The following CCBE1 variants were observed in gnomAD, a reference collection of about 807,000 sequenced individuals.
CCBE1 encodes the protein collagen and calcium binding EGF domains 1.
Under a neutral mutation model 50.0 loss-of-function variants are expected in CCBE1, and 37 were observed. That is an observed-to-expected ratio of 0.74 (90% CI 0.57 to 0.97). The LOEUF (loss-of-function observed/expected upper bound fraction) is 0.97, where lower values mean the gene tolerates loss of function less well. CCBE1 is among the 50% of genes least tolerant of loss of function. CCBE1 has a pLI of 0.00. For synonymous variants in CCBE1, 234 were observed against 203.7 expected, an observed-to-expected ratio of 1.15 and a Z score of -1.27; for missense variants, 538 against 523.8, an observed-to-expected ratio of 1.03 and a Z score of -0.26.
intron 2 of CCBE1, among the ~76,000 whole-genome samples, chr18:59,522,210 T>C (rs1914631025): frequency 6.6e-6 from 1 of 152,092 alleles, no homozygotes; most frequent in Non-Finnish European, 1.5e-5. Flanking sequence ...TACATGAATC[T>C]TGGTAATTTC....
chr18:59,512,400 A>C (rs77618713), intron 2 of CCBE1, among the ~76,000 whole-genome samples: 2,948 of 152,292 alleles, frequency 0.019, 91 homozygotes, highest in African/African-American at 0.065. Context: ...TGCTCCCCTC[A>C]AGGTTTGAGC....
intron 2 of CCBE1, among the ~76,000 whole-genome samples, chr18:59,553,805 C>T (rs1916014349): frequency 1.3e-5 from 2 of 152,208 alleles, no homozygotes; most frequent in Admixed American, 6.5e-5. Context: ...CCTCTGCCAC[C>T]ACTATGGCGA....
At chr18:59,588,032 A>G (rs1004274919) in intron 2 of CCBE1, among the ~76,000 whole-genome samples, 1 of 152,260 alleles carries the variant, frequency 6.6e-6, no homozygotes, top group Non-Finnish European at 1.5e-5. Context: ...GACTTGTATT[A>G]TACATATGTT....
At chr18:59,626,698 T>C (rs578176226) in intron 2 of CCBE1, among the ~76,000 whole-genome samples, 31 of 152,388 alleles carry the variant, frequency 2.0e-4, no homozygotes, top group African/African-American at 7.2e-4. Context: ...AGGCCAAGAC[T>C]GGCCTTGTGG....
chr18:59,452,235 T>A (rs1910972576), intron 6 of CCBE1, among the ~76,000 whole-genome samples: 1 of 152,142 alleles, frequency 6.6e-6, no homozygotes, highest in African/African-American at 2.4e-5. Flanking sequence ...TAATGTTTAT[T>A]TGGGCAGATG....
chr18:59,500,226 G>C (rs1913553190), intron 2 of CCBE1, among the ~76,000 whole-genome samples: 1 of 152,194 alleles, frequency 6.6e-6, no homozygotes, highest in South Asian at 2.1e-4. Context: ...ACACACAGCA[G>C]GATGCTTTCC....
Position 59,433,698 on chromosome 18 carries a change from A to AG in CCBE1, c.*2209dup, listed in dbSNP as rs1910024856. ...CGGCTCAGCGCAAGCTCCGCCTCCC[A>AG]GGTTCACGCCATTCTCCTGCCTCAG... On this transcript the variant is annotated 3_prime_UTR_variant, in exon 11 of 11. Coordinates refer to ENST00000439986, the MANE Select transcript of CCBE1 (RefSeq NM_133459.4). 1 of 149,184 alleles carries AG rather than the reference A, an allele frequency of 6.7e-6. No homozygotes were observed. The highest frequency in any genetic ancestry group is 1.5e-5 in the Non-Finnish European group (1 of 67,640). 9.2% of individuals were successfully genotyped at this position (149,184 alleles called of 1,614,324 possible). A position where few individuals can be genotyped will look rare whatever the true frequency, so the allele number is the denominator to read the frequency against.
At chr18:59,677,265 C>T (rs1239422624) in intron 2 of CCBE1, among the ~76,000 whole-genome samples, 2 of 152,168 alleles carry the variant, frequency 1.3e-5, no homozygotes, top group South Asian at 2.1e-4. Flanking sequence ...AGATTTGATG[C>T]AAAGGAAATG....
At chr18:59,558,264 T>G (rs2052682608) in intron 2 of CCBE1, among the ~76,000 whole-genome samples, 1 of 152,174 alleles carries the variant, frequency 6.6e-6, no homozygotes, top group African/African-American at 2.4e-5. Flanking sequence ...TCTAGTTAGT[T>G]GAGGTTGTTG....
chr18:59,500,716 C>T (rs914963332), intron 2 of CCBE1, among the ~76,000 whole-genome samples: 75 of 152,294 alleles, frequency 4.9e-4, no homozygotes, highest in African/African-American at 1.7e-3. Context: ...ACTCCCTGTG[C>T]ACCTGAGTTT....
At chr18:59,518,890 T>C (rs11875888) in intron 2 of CCBE1, among the ~76,000 whole-genome samples, 29,066 of 152,100 alleles carry the variant, frequency 0.19, 4,995 homozygotes, top group East Asian at 0.57. Context: ...CCTGAACCAA[T>C]GACTGACAGC....
chr18:59,650,251 T>C (rs1269244579), intron 2 of CCBE1, among the ~76,000 whole-genome samples: 1 of 151,466 alleles, frequency 6.6e-6, no homozygotes, highest in African/African-American at 2.4e-5. Flanking sequence ...GCAGTTTCCA[T>C]TGTCCACCCC....
chr18:59,618,457 C>G (rs2053666879), intron 2 of CCBE1, among the ~76,000 whole-genome samples: 1 of 145,350 alleles, frequency 6.9e-6, no homozygotes, highest in Non-Finnish European at 1.5e-5. Flanking sequence ...TTTTTTGAGA[C>G]AGAGTCTAGC....
At chr18:59,565,337 C>T (rs2052806604) in intron 2 of CCBE1, among the ~76,000 whole-genome samples, 1 of 152,216 alleles carries the variant, frequency 6.6e-6, no homozygotes, top group African/African-American at 2.4e-5. Flanking sequence ...GACTGGGGAT[C>T]AAGGTCTGGC....
intron 2 of CCBE1, among the ~76,000 whole-genome samples, chr18:59,570,186 T>C (rs1281213708): frequency 1.3e-5 from 2 of 152,196 alleles, no homozygotes; most frequent in Non-Finnish European, 1.5e-5. Flanking sequence ...AGGGAGTTTC[T>C]GCTAGATCAC....
intron 2 of CCBE1, among the ~76,000 whole-genome samples, chr18:59,619,142 T>C (rs1267458128): frequency 6.6e-6 from 1 of 152,242 alleles, no homozygotes; most frequent in African/African-American, 2.4e-5. Context: ...GATTCAATCA[T>C]ATTAAAAATG....
At chr18:59,642,678 G>A (rs532608612) in intron 2 of CCBE1, among the ~76,000 whole-genome samples, 4 of 152,172 alleles carry the variant, frequency 2.6e-5, no homozygotes, top group Non-Finnish European at 5.9e-5. Context: ...GGCCGGGCGC[G>A]GTGGCTCACG....
intron 2 of CCBE1, among the ~76,000 whole-genome samples, chr18:59,523,695 G>A (rs955465291): frequency 6.6e-6 from 1 of 152,128 alleles, no homozygotes; most frequent in Non-Finnish European, 1.5e-5. Context: ...AGTAGGTCAG[G>A]GTTGGATAAT....
chr18:59,537,830 G>A (rs999299080), intron 2 of CCBE1, among the ~76,000 whole-genome samples: 6 of 152,038 alleles, frequency 3.9e-5, no homozygotes, highest in South Asian at 2.1e-4. Context: ...TCACAGCTCC[G>A]TCCTCTCCCA....
Sources: gnomAD v4.1 joint callset for allele counts (sites outside exome capture counted in the v4.1 genomes callset) on GRCh38, gnomAD v4.1.1 for gene constraint, MANE v1.5 for transcripts, NCBI Gene and HGNC (gene_info 2026-07-23, HGNC 2026-07-21) for gene names.